The following PARD3B variants were observed in gnomAD, a reference collection of about 807,000 sequenced individuals.
PARD3B encodes par-3 family cell polarity regulator beta.
Under a neutral mutation model 130.2 loss-of-function variants are expected in PARD3B, and 103 were observed. The ratio of observed to expected loss-of-function variants is 0.79; its 90% CI spans 0.67 to 0.93. The LOEUF is 0.93. Ranked by LOEUF, PARD3B falls within the 40% of genes least tolerant of loss-of-function variation. The probability of loss-of-function intolerance (pLI) is 0.00; values close to 1 mark genes in which losing one functional copy is unlikely to be tolerated. For missense variants in PARD3B, 1,609 were observed against 1,499.2 expected (o/e 1.07, Z -1.21); for synonymous variants, 583 against 553.2 (o/e 1.05, Z -0.76).
intron 21 of PARD3B, among the ~76,000 whole-genome samples, chr2:205,538,871 G>C (rs192424005): frequency 1.2e-3 from 177 of 152,290 alleles, no homozygotes; most frequent in Non-Finnish European, 1.9e-3. Flanking sequence ...CTGACATGTA[G>C]TAGACTATGT....
intron 15 of PARD3B, among the ~76,000 whole-genome samples, chr2:205,221,756 C>G (rs2038250722): frequency 6.6e-6 from 1 of 152,174 alleles, no homozygotes; most frequent in Non-Finnish European, 1.5e-5. Context: ...GTCTCCGTCT[C>G]TGTCTTATTT....
chr2:205,468,569 C>A (rs1421843337), intron 20 of PARD3B, among the ~76,000 whole-genome samples: 3 of 152,196 alleles, frequency 2.0e-5, no homozygotes, highest in African/African-American at 7.2e-5. Context: ...ATTGCTCAAG[C>A]CAGAATCTGG....
At chr2:205,124,063 T>C (rs6754018) in intron 8 of PARD3B, among the ~76,000 whole-genome samples, 293 of 152,324 alleles carry the variant, frequency 1.9e-3, no homozygotes, top group African/African-American at 6.9e-3. Flanking sequence ...CTGGATAACA[T>C]GTGCATTTCT....
intron 22 of PARD3B, among the ~76,000 whole-genome samples, chr2:205,560,705 C>G (rs1047948729): frequency 6.6e-6 from 1 of 152,150 alleles, no homozygotes. Context: ...TTTCTGTAAT[C>G]CATGTTACAT....
intron 12 of PARD3B, among the ~76,000 whole-genome samples, chr2:205,174,546 C>G (rs1296652712): frequency 6.6e-6 from 1 of 152,128 alleles, no homozygotes; most frequent in Admixed American, 6.5e-5. Context: ...TTCACTGTGT[C>G]AGAGCATATT....
At chr2:205,416,917 C>CTTTCT (rs537900796) in intron 19 of PARD3B, among the ~76,000 whole-genome samples, 60 of 151,824 alleles carry the variant, frequency 4.0e-4, no homozygotes, top group Admixed American at 1.1e-3. Context: ...ACAACTGAAC[C>CTTTCT]TTTCTTTTCT....
rs1194722200 is a variant in PARD3B, at chr2:205,244,034, TATAA to T, written c.2141-1740_2141-1737del. Among the ~76,000 whole-genome samples the T allele has an allele frequency of 6.6e-6, 1 of 152,244 alleles. No homozygotes were observed. Among genetic ancestry groups the T allele is most frequent in the Admixed American group, 6.5e-5 (1 of 15,284 alleles). On this transcript the variant is annotated intron_variant, in intron 15 of 22. Coordinates refer to ENST00000406610, the MANE Select transcript of PARD3B (RefSeq NM_001302769.2). The surrounding 1 kb of genome is among the most constrained non-coding windows in gnomAD (Gnocchi z 4.7). ...AGAATTTGGCTCACAACTGGTGCCT[TATAA>T]ATACTTACCTCCCAACTAGAAATAA... is the stretch of plus-strand genomic sequence containing the variant.
intron 10 of PARD3B, among the ~76,000 whole-genome samples, chr2:205,148,348 TTTTTC>T (rs2033515581): frequency 6.6e-6 from 1 of 152,290 alleles, no homozygotes; most frequent in Non-Finnish European, 1.5e-5. Context: ...ATCTCTCATC[TTTTTC>T]TTTTCTTTAC....
chr2:205,475,135 T>G (rs2048981804), intron 20 of PARD3B, among the ~76,000 whole-genome samples: 1 of 152,138 alleles, frequency 6.6e-6, no homozygotes, highest in Admixed American at 6.6e-5. Context: ...CTATATCTAC[T>G]TGGACCTTGT....
At chr2:205,511,650 G>C (rs150725967) in intron 21 of PARD3B, among the ~76,000 whole-genome samples, 220 of 152,220 alleles carry the variant, frequency 1.4e-3, no homozygotes, top group African/African-American at 5.0e-3. Flanking sequence ...AATCAGTTGG[G>C]TACATTTTAT....
At chr2:205,218,904 A>T (rs552526826) in intron 15 of PARD3B, among the ~76,000 whole-genome samples, 16 of 152,134 alleles carry the variant, frequency 1.1e-4, no homozygotes, top group Non-Finnish European at 2.9e-5. Context: ...ACATGGTGAA[A>T]CTCCATCTCC....
At chr2:205,037,717 T>C (rs1353297748) in intron 3 of PARD3B, among the ~76,000 whole-genome samples, 1 of 151,418 alleles carries the variant, frequency 6.6e-6, no homozygotes, top group Non-Finnish European at 1.5e-5. Context: ...AGTTTCCCCT[T>C]AACTGGAATT....
chr2:204,922,246 G>C (rs1165298364), intron 2 of PARD3B, among the ~76,000 whole-genome samples: 1 of 151,958 alleles, frequency 6.6e-6, no homozygotes, highest in East Asian at 1.9e-4. Context: ...AGAATATAAA[G>C]CAAAAAGAGA....
At chr2:204,692,528 AT>A (rs2037402609) in intron 2 of PARD3B, among the ~76,000 whole-genome samples, 1 of 151,360 alleles carries the variant, frequency 6.6e-6, no homozygotes, top group Non-Finnish European at 1.5e-5. Context: ...GTCCTGATTT[AT>A]TTCATTTCTT....
At chr2:205,453,967 C>G (rs1039413992) in intron 20 of PARD3B, among the ~76,000 whole-genome samples, 1 of 152,100 alleles carries the variant, frequency 6.6e-6, no homozygotes, top group Non-Finnish European at 1.5e-5. Context: ...GCTGACCTGC[C>G]AGATATTTCT....
chr2:204,776,824 C>T (rs139436760), intron 2 of PARD3B, among the ~76,000 whole-genome samples: 1,566 of 151,710 alleles, frequency 0.01, 10 homozygotes, highest in Middle Eastern at 0.041. Flanking sequence ...AAATTCTAAG[C>T]CCAGGAGAGG....
intron 1 of PARD3B, among the ~76,000 whole-genome samples, chr2:204,635,429 A>G (rs1559197884): frequency 6.6e-6 from 1 of 152,206 alleles, no homozygotes; most frequent in Non-Finnish European, 1.5e-5. Flanking sequence ...ATTTCCAGAC[A>G]AAATTTAGGA....
chr2:205,114,342 A>G (rs913651785), intron 6 of PARD3B, among the ~76,000 whole-genome samples: 1 of 152,148 alleles, frequency 6.6e-6, no homozygotes, highest in Non-Finnish European at 1.5e-5. Context: ...ACTTTGTAAT[A>G]AGACGACCAC....
chr2:204,867,798 A>C (rs1353633918), intron 2 of PARD3B, among the ~76,000 whole-genome samples: 1 of 152,156 alleles, frequency 6.6e-6, no homozygotes, highest in Non-Finnish European at 1.5e-5. Flanking sequence ...TTGGTTGTTA[A>C]AAAAATAATA....
Sources: gnomAD v4.1 joint callset for allele counts (sites outside exome capture counted in the v4.1 genomes callset) on GRCh38, gnomAD v4.1.1 for gene constraint, Gnocchi (gnomAD v3.1) non-coding constraint, MANE v1.5 for transcripts, NCBI Gene and HGNC (gene_info 2026-07-23, HGNC 2026-07-21) for gene names.